The following PNPLA7 variants were observed in gnomAD, a reference collection of about 807,000 sequenced individuals.
PNPLA7 encodes patatin like domain 7, lysophospholipase.
Under a neutral mutation model 161.7 loss-of-function variants are expected in PNPLA7, and 153 were observed. The ratio of observed to expected loss-of-function variants is 0.95; its 90% CI spans 0.83 to 1.08. The LOEUF is 1.08. Ranked by LOEUF, PNPLA7 falls within the 50% of genes least tolerant of loss-of-function variation. The pLI is 0.00. For synonymous variants in PNPLA7, 809 were observed against 782.1 expected, an observed-to-expected ratio of 1.03 and a Z score of -0.57; for missense variants, 1,739 against 1,856.6, an observed-to-expected ratio of 0.94 and a Z score of 1.16.
intron 6 of PNPLA7, 40 bp from the exon 7 acceptor site, chr9:137,542,841 G>C (rs1836283024): frequency 1.3e-6 from 2 of 1,582,396 alleles, no homozygotes; most frequent in Non-Finnish European, 1.7e-6. Flanking sequence ...CCCTTCCAGG[G>C]GAGGAGGACG....
In PNPLA7 at chr9:137,543,932, G is replaced by A. The variant is rs1836350751; in HGVS notation, c.274-117C>T. 3.7e-6 allele frequency: 3 copies of A among 817,934 alleles called. No individual in the cohort carries two copies. In the African/African-American group the frequency reaches 5.1e-5, roughly 14 times the overall value. The allele number at this position is 817,934 out of a possible 1,614,324, so 50.7% of individuals were successfully genotyped here. Reference sequence around the variant, plus strand: ...TGGGCCTCCCACAGTCCCAGCTTCAGCTCCTGGGGTCTGGCTGTGCCATTT... The same window carrying A: ...TGGGCCTCCCACAGTCCCAGCTTCAACTCCTGGGGTCTGGCTGTGCCATTT... On this transcript the variant is annotated intron_variant, in intron 4 of 34. Coordinates refer to ENST00000406427, the MANE Select transcript of PNPLA7 (RefSeq NM_001098537.3). This position sits in a 1 kb window ranked among gnomAD's most constrained non-coding sequence, Gnocchi z 6.9.
At chr9:137,502,547 G>T (rs754536495) in intron 14 of PNPLA7, among the ~76,000 whole-genome samples, 2 of 145,752 alleles carry the variant, frequency 1.4e-5, no homozygotes, top group Non-Finnish European at 3.0e-5. Flanking sequence ...GGCAGAGGAC[G>T]GCCGCTGACG....
chr9:137,546,190 T>C (rs1488228809), intron 4 of PNPLA7, among the ~76,000 whole-genome samples: 2 of 152,192 alleles, frequency 1.3e-5, no homozygotes, highest in Middle Eastern at 3.4e-3. Flanking sequence ...GCTATCTTTC[T>C]CTCTCTCTCC....
intron 25 of PNPLA7, among the ~76,000 whole-genome samples, chr9:137,477,478 T>G (rs978963954): frequency 6.6e-6 from 1 of 150,600 alleles, no homozygotes; most frequent in African/African-American, 2.5e-5. Context: ...TGAGACAGAG[T>G]CTCGCTCTGT....
intron 12 of PNPLA7, among the ~76,000 whole-genome samples, chr9:137,511,794 A>G (rs893905030): frequency 2.6e-5 from 4 of 152,254 alleles, no homozygotes; most frequent in African/African-American, 9.6e-5. Context: ...AGATAGCAGT[A>G]GCAGAATTAG....
At position 137,533,877 on chromosome 9, in the gene PNPLA7, C is replaced by A. The variant is rs1835733352; in HGVS notation, c.747+6765G>T. Reference sequence around the variant, plus strand: ...GCGTCCACTCCAGACAGGAGCACTCCCAGACTCCTCAGTGAGTGTCCCCTC... The same window carrying A: ...GCGTCCACTCCAGACAGGAGCACTCACAGACTCCTCAGTGAGTGTCCCCTC... On this transcript the variant is annotated intron_variant, in intron 8 of 34. Coordinates refer to ENST00000406427, the MANE Select transcript of PNPLA7 (RefSeq NM_001098537.3). 2.0e-5 allele frequency among the ~76,000 whole-genome samples: 3 copies of A among 147,496 alleles called. No individual in the cohort carries two copies. The South Asian group carries it at 6.6e-4, about 32-fold the overall frequency.
At chr9:137,475,010 CAAAAAAAAAA>C (rs58417100) in intron 25 of PNPLA7, among the ~76,000 whole-genome samples, 17 of 63,612 alleles carry the variant, frequency 2.7e-4, no homozygotes, top group Admixed American at 6.3e-4. Context: ...GACTCTGCCT[CAAAAAAAAAA>C]AAAAAAAAAA....
intron 20 of PNPLA7, among the ~76,000 whole-genome samples, chr9:137,488,185 C>T (rs897228708): frequency 2.0e-5 from 3 of 152,172 alleles, no homozygotes; most frequent in Non-Finnish European, 4.4e-5. Context: ...TCTGATGTCT[C>T]GTCCCGAGCT....
At chr9:137,485,272 A>C (rs1832418570) in intron 20 of PNPLA7, among the ~76,000 whole-genome samples, 1 of 152,222 alleles carries the variant, frequency 6.6e-6, no homozygotes, top group East Asian at 1.9e-4. Context: ...TGAGGCTCAG[A>C]GTAAACCAGA....
In PNPLA7 at chr9:137,486,952, C is replaced by A. The variant is rs1332126234; in HGVS notation, c.2198-2216G>T. Among the ~76,000 whole-genome samples, 3 of 151,706 alleles carry A rather than the reference C, an allele frequency of 2.0e-5. No homozygotes were observed. Among genetic ancestry groups the A allele is most frequent in the Non-Finnish European group, 4.4e-5 (3 of 67,926 alleles). On this transcript the variant is annotated intron_variant, in intron 20 of 34. Transcript: ENST00000406427. This position sits in a 1 kb window ranked among gnomAD's most constrained non-coding sequence, Gnocchi z 6.0. ...GTCCTGACCTCCTCAGGGAGCGCTGCCCCACCACCTGCGTGCCCCTGCCCC... is the reference window on the plus strand; with the variant it reads ...GTCCTGACCTCCTCAGGGAGCGCTGACCCACCACCTGCGTGCCCCTGCCCC...
chr9:137,520,820 G>A lies in PNPLA7; in HGVS notation c.958-777C>T, dbSNP rs1397496460. Among the ~76,000 whole-genome samples, 6 of 152,218 alleles carry A rather than the reference G, an allele frequency of 3.9e-5. No individual in the cohort carries two copies. The highest frequency in any genetic ancestry group is 1.3e-4 in the Admixed American group (2 of 15,282). ...ACAATGCGCTGTACCCTCCAAACGCGTCACAGTTCAGGGTCAGCTCCGCCC... is the reference window on the plus strand; with the variant it reads ...ACAATGCGCTGTACCCTCCAAACGCATCACAGTTCAGGGTCAGCTCCGCCC... On this transcript the variant is annotated intron_variant, in intron 10 of 34. Coordinates refer to ENST00000406427, the MANE Select transcript of PNPLA7 (RefSeq NM_001098537.3). The surrounding 1 kb of genome is among the most constrained non-coding windows in gnomAD (Gnocchi z 5.2).
intron 26 of PNPLA7, among the ~76,000 whole-genome samples, chr9:137,465,642 G>A (rs1016535310): frequency 5.3e-5 from 8 of 152,204 alleles, no homozygotes; most frequent in Admixed American, 3.3e-4. Context: ...ACAGAGAGGG[G>A]AGAAGGTGTC....
At position 137,543,701 on chromosome 9, in the gene PNPLA7, G is replaced by A; in HGVS notation, c.365+23C>T. ...CCATGGGGGGCACCTGGGGCAGGAT[G>A]TGGTCTGAAGGACACACAGTACCTC... On this transcript the variant is annotated intron_variant, in intron 5 of 34. Transcript: ENST00000406427. The surrounding 1 kb of genome is among the most constrained non-coding windows in gnomAD (Gnocchi z 6.9). The A allele has an allele frequency of 6.2e-7, 1 of 1,612,994 alleles. No homozygotes were observed. The highest frequency in any genetic ancestry group is 8.5e-7 in the Non-Finnish European group (1 of 1,179,048).
At chr9:137,475,010 C>CAAAAAAAAAAA (rs58417100) in intron 25 of PNPLA7, among the ~76,000 whole-genome samples, 14 of 63,618 alleles carry the variant, frequency 2.2e-4, no homozygotes, top group African/African-American at 8.2e-4. Context: ...GACTCTGCCT[C>CAAAAAAAAAAA]AAAAAAAAAA....
intron 20 of PNPLA7, 38 bp downstream of exon 20, chr9:137,492,975 G>A (rs1832853860): frequency 8.2e-6 from 13 of 1,590,542 alleles, no homozygotes; most frequent in East Asian, 2.2e-5. Context: ...ACTGGGTGAG[G>A]GCTCCCAGGA....
intron 18 of PNPLA7, among the ~76,000 whole-genome samples, 191 bp from the exon 19 acceptor site, chr9:137,495,337 G>A (rs1832996338): frequency 6.6e-6 from 1 of 152,204 alleles, no homozygotes; most frequent in Non-Finnish European, 1.5e-5. Context: ...AGCCAAAGGT[G>A]CCCCCTAGCA....
chr9:137,521,072 C>A (rs1834966350), intron 10 of PNPLA7, among the ~76,000 whole-genome samples: 2 of 151,824 alleles, frequency 1.3e-5, no homozygotes, highest in African/African-American at 4.8e-5. Context: ...CATAGGGACC[C>A]CATGGGACGG....
At chr9:137,494,944 G>T in intron 19 of PNPLA7, 89 bp downstream of exon 19, 2 of 1,209,030 alleles carry the variant, frequency 1.7e-6, no homozygotes, top group Non-Finnish European at 2.4e-6. Context: ...CCTGCTCTGT[G>T]CCCTCACCCG....
chr9:137,510,352 C>T (rs1406994646), intron 12 of PNPLA7, among the ~76,000 whole-genome samples: 1 of 152,202 alleles, frequency 6.6e-6, no homozygotes, highest in African/African-American at 2.4e-5. Flanking sequence ...CCTTCATGTT[C>T]CATCCTGTAC....
Sources: allele counts gnomAD v4.1 joint callset (sites outside exome capture counted in the v4.1 genomes callset), GRCh38; gene constraint gnomAD v4.1.1; non-coding constraint Gnocchi (gnomAD v3.1); transcripts MANE v1.5; gene names NCBI Gene and HGNC (gene_info 2026-07-23, HGNC 2026-07-21).